The following DCC variants were observed in gnomAD, a reference collection of about 807,000 sequenced individuals.
DCC encodes DCC netrin 1 receptor, also known as netrin receptor DCC.
DCC carries 58 observed loss-of-function variants against 172.5 expected under a neutral mutation model. The observed-to-expected ratio is 0.34, with a 90% CI of 0.27 to 0.42. DCC has a LOEUF of 0.42. DCC is among the 10% of genes least tolerant of loss of function. DCC has a pLI of 1.00. For missense variants in DCC, 1,740 were observed against 1,791.0 expected (o/e 0.97, Z 0.51); for synonymous variants, 709 against 644.5 (o/e 1.10, Z -1.52).
Position 53,333,639 on chromosome 18 carries a change from GGA to G in DCC, c.2165-6061_2165-6060del, listed in dbSNP as rs377254785. ...CAGGTGAAGAAGGTAGGAGATAAGT[GGA>G]GAGAGAGAGAGATCATTTATGGCCT... is the stretch of plus-strand genomic sequence containing the variant. On this transcript the variant is annotated intron_variant, in intron 14 of 28. Coordinates refer to ENST00000442544, the MANE Select transcript of DCC (RefSeq NM_005215.4). Among the ~76,000 whole-genome samples, 9 of 152,048 alleles carry G rather than the reference GGA, an allele frequency of 5.9e-5. No individual in the cohort carries two copies. The South Asian group carries it at 8.3e-4, about 14-fold the overall frequency.
chr18:52,751,941 A>G (rs1007315966), intron 1 of DCC, 113 bp from the exon 2 acceptor site: 67 of 875,782 alleles, frequency 7.7e-5, no homozygotes, highest in Non-Finnish European at 1.1e-4. Context: ...ATTCTTGGAC[A>G]TTGTTCAAAG....
intron 1 of DCC, among the ~76,000 whole-genome samples, chr18:52,405,070 C>T (rs1986590163): frequency 6.6e-6 from 1 of 151,452 alleles, no homozygotes; most frequent in Non-Finnish European, 1.5e-5. Flanking sequence ...CATTGTTGGA[C>T]ATTTCGGTTG....
At chr18:53,232,582 A>G (rs16956398) in intron 12 of DCC, among the ~76,000 whole-genome samples, 12,695 of 152,134 alleles carry the variant, frequency 0.083, 764 homozygotes, top group East Asian at 0.24. Context: ...CATTAACCCC[A>G]CTGCTACAAC....
chr18:53,300,101 C>T (rs1292186294), intron 12 of DCC, among the ~76,000 whole-genome samples: 1 of 152,128 alleles, frequency 6.6e-6, no homozygotes, highest in East Asian at 1.9e-4. Context: ...CCAACTTAAT[C>T]AGATCAATTG....
At chr18:53,135,467 C>A (rs1053054636) in intron 7 of DCC, among the ~76,000 whole-genome samples, 19 of 152,244 alleles carry the variant, frequency 1.2e-4, no homozygotes, top group South Asian at 1.0e-3. Flanking sequence ...GATTTTTACA[C>A]TCCTTATCCC....
At chr18:52,527,925 T>G (rs1179529879) in intron 1 of DCC, among the ~76,000 whole-genome samples, 1 of 152,214 alleles carries the variant, frequency 6.6e-6, no homozygotes, top group Non-Finnish European at 1.5e-5. Context: ...AGAATGATTT[T>G]CTAGGCAGCC....
At chr18:53,026,661 G>A (rs2041958990) in intron 5 of DCC, among the ~76,000 whole-genome samples, 1 of 152,048 alleles carries the variant, frequency 6.6e-6, no homozygotes. Flanking sequence ...GCTCAAGCGA[G>A]CCTCCTTCCT....
chr18:52,825,409 C>T (rs1358178504), intron 2 of DCC, among the ~76,000 whole-genome samples: 1 of 152,122 alleles, frequency 6.6e-6, no homozygotes, highest in Non-Finnish European at 1.5e-5. Context: ...TCCTATTCCT[C>T]TTAAATTTCT....
chr18:53,133,727 G>C (rs1263861704), intron 7 of DCC, among the ~76,000 whole-genome samples: 2 of 152,272 alleles, frequency 1.3e-5, no homozygotes, highest in African/African-American at 4.8e-5. Context: ...ATTGGCTTGA[G>C]AGCCACTGTG....
intron 1 of DCC, among the ~76,000 whole-genome samples, chr18:52,580,292 C>A (rs1454896401): frequency 6.6e-6 from 1 of 152,226 alleles, no homozygotes; most frequent in African/African-American, 2.4e-5. Flanking sequence ...CAGAGTCTCA[C>A]TGTTGCCCAG....
intron 1 of DCC, among the ~76,000 whole-genome samples, chr18:52,631,756 ATCT>A (rs1273991521): frequency 1.3e-5 from 2 of 152,198 alleles, no homozygotes; most frequent in Non-Finnish European, 2.9e-5. Context: ...AAATTTGCTG[ATCT>A]TCTCACCTCA....
At chr18:53,043,425 A>C (rs1472750288) in intron 5 of DCC, among the ~76,000 whole-genome samples, 2 of 151,922 alleles carry the variant, frequency 1.3e-5, no homozygotes, top group East Asian at 3.9e-4. Context: ...AACAAACCAC[A>C]TTCTGCACAT....
intron 8 of DCC, among the ~76,000 whole-genome samples, chr18:53,160,674 T>C (rs2144407425): frequency 6.6e-6 from 1 of 152,324 alleles, no homozygotes; most frequent in South Asian, 2.1e-4. Flanking sequence ...GCAATTATAC[T>C]ACATTTATCA....
At chr18:53,048,703 A>G (rs1171981485) in intron 5 of DCC, among the ~76,000 whole-genome samples, 1 of 151,296 alleles carries the variant, frequency 6.6e-6, no homozygotes, top group Admixed American at 6.6e-5. Flanking sequence ...TCTTTTGGAT[A>G]TATACTCAAT....
intron 5 of DCC, among the ~76,000 whole-genome samples, chr18:52,983,262 A>G (rs2041239147): frequency 6.6e-6 from 1 of 152,190 alleles, no homozygotes; most frequent in Admixed American, 6.5e-5. Context: ...GAAAAGGGGC[A>G]AAGACATTTA....
intron 27 of DCC, among the ~76,000 whole-genome samples, chr18:53,523,085 C>T (rs1175339184): frequency 6.6e-6 from 1 of 152,008 alleles, no homozygotes; most frequent in Non-Finnish European, 1.5e-5. Flanking sequence ...AATACACAAC[C>T]CCTTCAAAAA....
chr18:53,300,175 A>G (rs2057115862), intron 12 of DCC, among the ~76,000 whole-genome samples: 2 of 152,158 alleles, frequency 1.3e-5, no homozygotes, highest in Non-Finnish European at 2.9e-5. Flanking sequence ...GTTGATCCTC[A>G]TTATTTACAG....
intron 1 of DCC, among the ~76,000 whole-genome samples, chr18:52,609,939 T>C (rs2034215914): frequency 6.6e-6 from 1 of 151,584 alleles, no homozygotes; most frequent in Admixed American, 6.6e-5. Flanking sequence ...AAAGGATTTT[T>C]ATCTTCAAAA....
intron 5 of DCC, among the ~76,000 whole-genome samples, chr18:53,021,986 G>T (rs1213640802): frequency 2.0e-5 from 3 of 152,152 alleles, no homozygotes; most frequent in Non-Finnish European, 4.4e-5. Context: ...TAGTTTAGTT[G>T]CAATTAAAAT....
Sources: gnomAD v4.1 joint callset for allele counts (sites outside exome capture counted in the v4.1 genomes callset) on GRCh38, gnomAD v4.1.1 for gene constraint, MANE v1.5 for transcripts, NCBI Gene and HGNC (gene_info 2026-07-23, HGNC 2026-07-21) for gene names.